The following ZMYM2 variants were observed in gnomAD, a reference collection of about 807,000 sequenced individuals.
ZMYM2 encodes zinc finger MYM-type containing 2.
In ZMYM2, 56 loss-of-function variants were observed where a neutral mutation model predicts 162.8. The observed-to-expected ratio is 0.34, with a 90% CI of 0.28 to 0.43. The LOEUF is 0.43. Among genes scored for constraint, ZMYM2 ranks in the 20% least tolerant of loss-of-function variants. ZMYM2 has a pLI of 1.00. For missense variants in ZMYM2, 1,275 were observed against 1,621.8 expected (o/e 0.79, Z 3.67); for synonymous variants, 510 against 541.6 (o/e 0.94, Z 0.81).
At chr13:20,027,016 G>A (rs1248655406) in intron 8 of ZMYM2, among the ~76,000 whole-genome samples, 187 bp from the exon 9 acceptor site, 1 of 151,958 alleles carries the variant, frequency 6.6e-6, no homozygotes, top group Non-Finnish European at 1.5e-5. Flanking sequence ...ATCTATGTAT[G>A]TTTTAGTGGC....
the ZMYM2 span, among the ~76,000 whole-genome samples, chr13:19,936,648 G>A: frequency 6.6e-6 from 1 of 152,254 alleles, no homozygotes; most frequent in African/African-American, 2.4e-5. Flanking sequence ...CTTGAACCCA[G>A]GAGGCGGAGG....
the ZMYM2 span, among the ~76,000 whole-genome samples, chr13:19,930,359 C>T: frequency 6.6e-6 from 1 of 151,976 alleles, no homozygotes; most frequent in African/African-American, 2.4e-5. Context: ...TGAGATCACG[C>T]CACTGCACTC....
the ZMYM2 span, among the ~76,000 whole-genome samples, chr13:19,945,755 C>T: frequency 1.3e-5 from 2 of 151,118 alleles, no homozygotes; most frequent in Non-Finnish European, 2.9e-5. Context: ...CCAGCCTGAC[C>T]AACATGGAGA....
At chr13:20,030,437 C>A (rs1388125878) in intron 9 of ZMYM2, among the ~76,000 whole-genome samples, 1 of 139,492 alleles carries the variant, frequency 7.2e-6, no homozygotes, top group African/African-American at 2.6e-5. Context: ...CTCGCTCTGT[C>A]GCCCAGGCTG....
At chr13:19,992,305 C>T (rs992626248) in intron 2 of ZMYM2, among the ~76,000 whole-genome samples, 5 of 152,206 alleles carry the variant, frequency 3.3e-5, no homozygotes, top group Admixed American at 6.5e-5. Context: ...GTAATCCCAG[C>T]ACTTTGGGAG....
At chr13:20,079,339 AAAAAG>A (rs1355208104) in intron 21 of ZMYM2, among the ~76,000 whole-genome samples, 37 of 138,322 alleles carry the variant, frequency 2.7e-4, no homozygotes, top group Non-Finnish European at 3.8e-4. Flanking sequence ...AAAAAAAAAA[AAAAAG>A]GATACTTAAT....
the ZMYM2 span, among the ~76,000 whole-genome samples, chr13:19,869,115 A>G: frequency 6.6e-6 from 1 of 152,206 alleles, no homozygotes; most frequent in Non-Finnish European, 1.5e-5. Flanking sequence ...ACATACAAAT[A>G]CCACCCACAA....
At chr13:19,998,159 C>T (rs939546351) in intron 3 of ZMYM2, among the ~76,000 whole-genome samples, 2 of 152,072 alleles carry the variant, frequency 1.3e-5, no homozygotes, top group African/African-American at 4.8e-5. Flanking sequence ...AAAATCTTGG[C>T]TATTTATATT....
chr13:19,868,585 A>G, the ZMYM2 span, among the ~76,000 whole-genome samples: 1 of 152,136 alleles, frequency 6.6e-6, no homozygotes, highest in Non-Finnish European at 1.5e-5. Flanking sequence ...GTCATTGTTT[A>G]TAGGCTTTTC....
chr13:20,002,754 T>C, intron 3 of ZMYM2, 96 bp from the exon 4 acceptor site: 2 of 1,455,160 alleles, frequency 1.4e-6, no homozygotes, highest in Non-Finnish European at 1.9e-6. Flanking sequence ...CTTAAAATTG[T>C]ACAAAATGGG....
chr13:19,958,539 GCCGGGGGAGTGGC>G (rs1458350407), upstream of ZMYM2: 1 of 152,420 alleles, frequency 6.6e-6, no homozygotes, highest in African/African-American at 2.4e-5. Context: ...GAACGGCAGG[GCCGGGGGAGTGGC>G]CCGCACCTGA....
At chr13:19,870,399 A>G in the ZMYM2 span, among the ~76,000 whole-genome samples, 7 of 151,550 alleles carry the variant, frequency 4.6e-5, no homozygotes, top group Non-Finnish European at 7.4e-5. Context: ...TGGCTTCCCA[A>G]AGTGCTGGGA....
chr13:19,965,220 C>G, intron 2 of ZMYM2: 1 of 1,287,690 alleles, frequency 7.8e-7, no homozygotes, highest in Non-Finnish European at 1.0e-6. Flanking sequence ...TACTTTATAG[C>G]CATACATGTG....
intron 21 of ZMYM2, among the ~76,000 whole-genome samples, chr13:20,073,258 A>G (rs796492616): frequency 2.0e-5 from 3 of 152,266 alleles, no homozygotes; most frequent in African/African-American, 7.2e-5. Context: ...ACTTTTTCGT[A>G]AAGGGCAAGA....
the ZMYM2 span, among the ~76,000 whole-genome samples, chr13:19,907,864 A>G: frequency 6.6e-6 from 1 of 152,162 alleles, no homozygotes; most frequent in South Asian, 2.1e-4. Context: ...TTATACGAAA[A>G]GAGAACATTA....
chr13:19,916,176 C>T, the ZMYM2 span, among the ~76,000 whole-genome samples: 22,267 of 151,930 alleles, frequency 0.15, 1,882 homozygotes, highest in Admixed American at 0.2. Flanking sequence ...AACACTTTTA[C>T]GCCAGTTAGA....
intron 6 of ZMYM2, among the ~76,000 whole-genome samples, chr13:20,009,705 T>C (rs1467622183): frequency 6.6e-6 from 1 of 152,232 alleles, no homozygotes; most frequent in Non-Finnish European, 1.5e-5. Flanking sequence ...TGAAACATAA[T>C]GCTTTCAGTT....
At chr13:19,877,561 T>C in the ZMYM2 span, among the ~76,000 whole-genome samples, 1 of 152,236 alleles carries the variant, frequency 6.6e-6, no homozygotes, top group Non-Finnish European at 1.5e-5. Context: ...CTTTCAACAC[T>C]ACTACATTGG....
intron 12 of ZMYM2, among the ~76,000 whole-genome samples, chr13:20,046,267 C>T (rs1024927726): frequency 1.3e-5 from 2 of 151,578 alleles, no homozygotes; most frequent in African/African-American, 4.9e-5. Context: ...CAAAAAATTA[C>T]TGAGAGCGGT....
Sources: allele counts gnomAD v4.1 joint callset (sites outside exome capture counted in the v4.1 genomes callset), GRCh38; gene constraint gnomAD v4.1.1; transcripts MANE v1.5; gene names NCBI Gene and HGNC (gene_info 2026-07-23, HGNC 2026-07-21).